The following SLC9A9 variants were observed in gnomAD, a reference collection of about 807,000 sequenced individuals.
SLC9A9 encodes solute carrier family 9 member A9, also known as sodium/hydrogen exchanger 9.
In SLC9A9, 62 loss-of-function variants were observed where a neutral mutation model predicts 77.8. The ratio of observed to expected loss-of-function variants is 0.80; its 90% CI spans 0.65 to 0.98. The LOEUF (loss-of-function observed/expected upper bound fraction) is 0.98, where lower values mean the gene tolerates loss of function less well. Among genes scored for constraint, SLC9A9 ranks in the 50% least tolerant of loss-of-function variants. SLC9A9 has a pLI of 0.00. For missense variants in SLC9A9, 775 were observed against 774.9 expected (o/e 1.00, Z 0.00); for synonymous variants, 320 against 283.5 (o/e 1.13, Z -1.29).
At chr3:143,380,120 C>T (rs79425743) in intron 13 of SLC9A9, among the ~76,000 whole-genome samples, 18,063 of 152,156 alleles carry the variant, frequency 0.12, 1,135 homozygotes, top group East Asian at 0.16. Context: ...ACACCTTGCC[C>T]AAGACCCAAA....
chr3:143,802,256 T>A (rs1405763814), intron 2 of SLC9A9, among the ~76,000 whole-genome samples: 1 of 152,176 alleles, frequency 6.6e-6, no homozygotes, highest in Non-Finnish European at 1.5e-5. Context: ...ACCTCTTCCA[T>A]GTAAGTTACA....
chr3:143,555,826 G>C (rs1038193414), intron 8 of SLC9A9, among the ~76,000 whole-genome samples: 1 of 152,192 alleles, frequency 6.6e-6, no homozygotes, highest in African/African-American at 2.4e-5. Flanking sequence ...AATATCTTTT[G>C]AGTCTTGTGT....
intron 2 of SLC9A9, 21 bp from the exon 3 acceptor site, chr3:143,796,924 G>T (rs2008401534): frequency 6.9e-6 from 11 of 1,593,496 alleles, no homozygotes; most frequent in East Asian, 4.5e-5. Flanking sequence ...GGAAAAAAAG[G>T]ATAGTTAGAA....
chr3:143,536,103 C>T (rs1456867535), intron 9 of SLC9A9, among the ~76,000 whole-genome samples: 1 of 152,136 alleles, frequency 6.6e-6, no homozygotes, highest in African/African-American at 2.4e-5. Flanking sequence ...AGATTCTATA[C>T]CTAGTAACTT....
At chr3:143,769,613 C>T (rs1305036236) in intron 4 of SLC9A9, among the ~76,000 whole-genome samples, 2 of 152,132 alleles carry the variant, frequency 1.3e-5, no homozygotes. Context: ...GGAAGCTATG[C>T]TAACTTGTAA....
chr3:143,386,343 T>C (rs2033425639), intron 12 of SLC9A9, among the ~76,000 whole-genome samples: 1 of 152,216 alleles, frequency 6.6e-6, no homozygotes, highest in African/African-American at 2.4e-5. Flanking sequence ...ACTTCATGAT[T>C]ACCCTGTAGT....
rs138223252 is a variant in SLC9A9 at position 143,793,680 on chromosome 3, T to A, written c.533+1321A>T. Among the ~76,000 whole-genome samples, 552 of 152,346 alleles carry A rather than the reference T, an allele frequency of 3.6e-3. 3 individuals carry two copies. The highest frequency in any genetic ancestry group is 0.013 in the African/African-American group (538 of 41,582). On this transcript the variant is annotated intron_variant, in intron 4 of 15. Transcript: ENST00000316549. ...GAAGCAGAAGTTCTGAGTTCTGTTT[T>A]GACAACGGCCCTGATTCTCAGAGAT... is the stretch of plus-strand genomic sequence containing the variant.
chr3:143,652,810 C>CACACACACACACACACAA (rs113827008), intron 5 of SLC9A9, among the ~76,000 whole-genome samples: 1 of 148,160 alleles, frequency 6.7e-6, no homozygotes. Context: ...CACACACACA[C>CACACACACACACACACAA]ACTTCTTGCT....
chr3:143,287,890 C>T (rs1436293494), intron 14 of SLC9A9, among the ~76,000 whole-genome samples: 1 of 152,176 alleles, frequency 6.6e-6, no homozygotes, highest in East Asian at 1.9e-4. Flanking sequence ...CTCAAAATTA[C>T]ACCAACTGCT....
intron 4 of SLC9A9, among the ~76,000 whole-genome samples, chr3:143,706,847 G>A (rs1489797960): frequency 6.6e-6 from 1 of 152,150 alleles, no homozygotes; most frequent in Admixed American, 6.5e-5. Flanking sequence ...TATTGTTAGT[G>A]TTACTGTATT....
chr3:143,641,286 A>G (rs2108738413), intron 6 of SLC9A9, among the ~76,000 whole-genome samples: 1 of 152,082 alleles, frequency 6.6e-6, no homozygotes, highest in African/African-American at 2.4e-5. Flanking sequence ...TTTTTTGCAC[A>G]GTCTGAAATT....
At chr3:143,328,621 C>T (rs2031675795) in intron 14 of SLC9A9, among the ~76,000 whole-genome samples, 1 of 152,226 alleles carries the variant, frequency 6.6e-6, no homozygotes, top group Non-Finnish European at 1.5e-5. Context: ...CAACCCTCCA[C>T]CTGGAAGTAA....
chr3:143,846,541 T>G (rs1369331723), intron 1 of SLC9A9, among the ~76,000 whole-genome samples: 4 of 151,720 alleles, frequency 2.6e-5, no homozygotes, highest in Non-Finnish European at 5.9e-5. Context: ...TAAATGAGAG[T>G]TTTCTTGTGC....
At chr3:143,449,841 TTA>T (rs1205742844) in intron 12 of SLC9A9, among the ~76,000 whole-genome samples, 22 of 15,430 alleles carry the variant, frequency 1.4e-3, no homozygotes, top group South Asian at 7.9e-3. Context: ...ATTATATGTA[TTA>T]TATATATATA....
At chr3:143,410,705 A>G (rs949357944) in intron 12 of SLC9A9, among the ~76,000 whole-genome samples, 1 of 152,216 alleles carries the variant, frequency 6.6e-6, no homozygotes, top group African/African-American at 2.4e-5. Context: ...TAAGTGGTAT[A>G]CATAAATTTT....
intron 6 of SLC9A9, among the ~76,000 whole-genome samples, chr3:143,615,219 C>G (rs760232867): frequency 6.6e-6 from 1 of 152,210 alleles, no homozygotes; most frequent in Admixed American, 6.5e-5. Context: ...GTCACCACCA[C>G]GCCTATGGTT....
chr3:143,719,231 A>G (rs1166273496), intron 4 of SLC9A9, among the ~76,000 whole-genome samples: 1 of 152,170 alleles, frequency 6.6e-6, no homozygotes, highest in Admixed American at 6.5e-5. Context: ...CTTATAGTCT[A>G]CAAACTTTGG....
intron 9 of SLC9A9, among the ~76,000 whole-genome samples, chr3:143,532,788 C>G: frequency 6.6e-6 from 1 of 152,270 alleles, no homozygotes; most frequent in Non-Finnish European, 1.5e-5. Flanking sequence ...CTTAGATAAT[C>G]ACTTTAGGGA....
Position 143,495,467 on chromosome 3 carries a change from C to CA in SLC9A9, c.1090-20dup, listed in dbSNP as rs1213106018. ...CAAACAACTGAAACAAAACATAAAA[C>CA]AAAAAACCATTAATTATAACTCAGG... On this transcript the variant is annotated intron_variant, in intron 9 of 15. Coordinates refer to ENST00000316549, the MANE Select transcript of SLC9A9 (RefSeq NM_173653.4). The CA allele has an allele frequency of 1.3e-6, 2 of 1,568,858 alleles. No homozygotes were observed. Among genetic ancestry groups the CA allele is most frequent in the Non-Finnish European group, 1.8e-6 (2 of 1,139,416 alleles).
Sources: allele counts gnomAD v4.1 joint callset (sites outside exome capture counted in the v4.1 genomes callset), GRCh38; gene constraint gnomAD v4.1.1; transcripts MANE v1.5; gene names NCBI Gene and HGNC (gene_info 2026-07-23, HGNC 2026-07-21).